The following ICE2 variants were observed in gnomAD, a reference collection of about 807,000 sequenced individuals.
ICE2 encodes interactor of little elongation complex ELL subunit 2, also known as little elongation complex subunit 2.
ICE2 carries 87 observed loss-of-function variants against 105.4 expected under a neutral mutation model. The observed-to-expected ratio is 0.83, with a 90% CI of 0.69 to 0.99. ICE2 has a LOEUF of 0.99. Ranked by LOEUF, ICE2 falls within the 50% of genes least tolerant of loss-of-function variation. The pLI is 0.00. For synonymous variants in ICE2, 399 were observed against 392.0 expected (o/e 1.02, Z -0.21); for missense variants, 1,323 against 1,146.7 (o/e 1.15, Z -2.22).
At chr15:60,445,867 CAGAG>C in intron 11 of ICE2, 1 of 668,544 alleles carries the variant, frequency 1.5e-6, no homozygotes, top group Non-Finnish European at 1.8e-6. Context: ...CAAAATAAAT[CAGAG>C]AGATAGCAAG....
At chr15:60,459,621 A>G (rs1037854476) in intron 5 of ICE2, among the ~76,000 whole-genome samples, 2 of 152,240 alleles carry the variant, frequency 1.3e-5, no homozygotes, top group Non-Finnish European at 2.9e-5. Context: ...TAAAACAAAT[A>G]TAGTCCATAT....
At chr15:60,473,662 T>C (rs968406084) in intron 3 of ICE2, among the ~76,000 whole-genome samples, 3 of 152,160 alleles carry the variant, frequency 2.0e-5, no homozygotes, top group African/African-American at 7.2e-5. Flanking sequence ...TTTATAGGCA[T>C]TTTTTGATCC....
chr15:60,453,437 G>C, intron 9 of ICE2, 166 bp downstream of exon 9: 1 of 1,396,390 alleles, frequency 7.2e-7, no homozygotes, highest in Non-Finnish European at 9.3e-7. Flanking sequence ...GGCTGAGGGA[G>C]GTTAAGTTAG....
intron 11 of ICE2, chr15:60,445,816 TG>T (rs555466524): frequency 9.8e-4 from 963 of 982,046 alleles, no homozygotes; most frequent in Non-Finnish European, 1.1e-3. Flanking sequence ...CAAAGTGGTA[TG>T]GGTTCACAGA....
chr15:60,423,784 A>G, intron 15 of ICE2, 22 bp from the exon 16 acceptor site: 4 of 1,554,462 alleles, frequency 2.6e-6, no homozygotes, highest in Admixed American at 2.1e-5. Context: ...AGCAGAGAAC[A>G]GAATAGCTTA....
At chr15:60,455,742 C>T (rs919770584) in intron 6 of ICE2, among the ~76,000 whole-genome samples, 1 of 151,888 alleles carries the variant, frequency 6.6e-6, no homozygotes, top group Non-Finnish European at 1.5e-5. Flanking sequence ...TTCAGCCTCA[C>T]GAATAGCTGG....
chr15:60,428,617 C>T lies in ICE2; in HGVS notation c.2632G>A (p.Asp878Asn). The change falls in exon 15 of 16, where the codon GAT becomes AAT. Residue 878 changes from aspartate (D) to asparagine (N), a missense_variant. Asp to Asn is a conservative substitution (Grantham distance 23). Coordinates refer to ENST00000261520, the MANE Select transcript of ICE2 (RefSeq NM_024611.6). ...TATGCTGTCCTAGTAACTTTTCCAT[C>T]AGAGGCCTTATAAATCAGGAGTGAA... ...DSSLLIYKAS[D>N]GKVTRTAYNL... 6.2e-7 allele frequency: 1 copy of T among 1,614,090 alleles called. No homozygotes were observed.
chr15:60,435,584 A>G (rs2063567516), intron 13 of ICE2, among the ~76,000 whole-genome samples: 1 of 133,302 alleles, frequency 7.5e-6, no homozygotes, highest in Non-Finnish European at 1.6e-5. Context: ...GGGCAAAAAG[A>G]GCAAAACTCT....
At chr15:60,427,268 C>T (rs931255636) in intron 15 of ICE2, among the ~76,000 whole-genome samples, 1 of 152,154 alleles carries the variant, frequency 6.6e-6, no homozygotes, top group Non-Finnish European at 1.5e-5. Context: ...AGGAAGAATA[C>T]ACAAGTGATA....
intron 11 of ICE2, among the ~76,000 whole-genome samples, chr15:60,445,120 T>A (rs1174831628): frequency 6.6e-6 from 1 of 152,180 alleles, no homozygotes; most frequent in Non-Finnish European, 1.5e-5. Flanking sequence ...ACTAAAATAA[T>A]TGAAGAACTG....
intron 11 of ICE2, among the ~76,000 whole-genome samples, chr15:60,444,662 C>A (rs1042283770): frequency 1.3e-5 from 2 of 152,014 alleles, no homozygotes; most frequent in Non-Finnish European, 2.9e-5. Flanking sequence ...TGTTTTATAT[C>A]TTGTGGTCCA....
intron 9 of ICE2, 21 bp downstream of exon 9, chr15:60,453,582 G>GA (rs752781349): frequency 7.0e-5 from 112 of 1,590,468 alleles, no homozygotes; most frequent in Admixed American, 1.2e-4. Flanking sequence ...CCCCTTAGGG[G>GA]AAAAAAAAAG....
rs775593353 is a variant in ICE2, at chr15:60,428,507, T to C, written c.2742A>G (p.Leu914=). 3.1e-6 allele frequency: 5 copies of C among 1,614,140 alleles called. No homozygotes were observed. The highest frequency in any genetic ancestry group is 2.5e-6 in the Non-Finnish European group (3 of 1,179,988). The change falls in exon 15 of 16, where the codon TTA becomes TTG. Residue 914 remains leucine (L), a synonymous_variant. Transcript: ENST00000261520. The stretch of plus-strand genomic sequence containing the variant: ...TTCCATGATGGATATGATATGGTAA[T>C]AACAGGCTGGGATCTAATGGGACCC... ...VPWVPLDPSL[L]LPYHIHHGRI...
chr15:60,453,927 G>A (rs2064031321), intron 8 of ICE2, 143 bp from the exon 9 acceptor site: 1 of 634,292 alleles, frequency 1.6e-6, no homozygotes, highest in East Asian at 2.8e-5. Flanking sequence ...GCTACCCTTA[G>A]ACTAGCAGAT....
chr15:60,442,561 A>G lies in ICE2; in HGVS notation c.2296-16T>C, dbSNP rs1486494887. Reference sequence around the variant, plus strand: ...CTGGAAATTGCTGCAATGCAAAATTATACTTTTTCAAAGCTCTATTAATTT... The same window carrying G: ...CTGGAAATTGCTGCAATGCAAAATTGTACTTTTTCAAAGCTCTATTAATTT... On this transcript the variant is annotated splice_polypyrimidine_tract_variant and intron_variant, in intron 11 of 15. Transcript: ENST00000261520. The G allele has an allele frequency of 6.4e-7, 1 of 1,555,868 alleles. No homozygotes were observed. Among genetic ancestry groups the G allele is most frequent in the Non-Finnish European group, 8.6e-7 (1 of 1,156,912 alleles).
chr15:60,449,702 G>T lies in ICE2; in HGVS notation c.1265C>A (p.Thr422Asn), dbSNP rs200818091. 6.0e-5 allele frequency: 97 copies of T among 1,614,028 alleles called. No individual in the cohort carries two copies. The highest frequency in any genetic ancestry group is 7.8e-5 in the Non-Finnish European group (92 of 1,180,042). The change falls in exon 10 of 16, where the codon ACT (threonine) becomes AAT (asparagine). Residue 422 changes from threonine to asparagine, a missense_variant. Transcript: ENST00000261520. The stretch of plus-strand genomic sequence containing the variant: ...ATCTGTCATGTTAGGTACTGTGGAA[G>T]TACTTGCTGGACTTGGTGATTTTGA... ...KVSKSPSPAS[T>N]STVPNMTDAP...
At chr15:60,423,868 C>G in intron 15 of ICE2, 106 bp from the exon 16 acceptor site, 1 of 1,031,512 alleles carries the variant, frequency 9.7e-7, no homozygotes, top group South Asian at 3.4e-5. Flanking sequence ...TGCAAATAAG[C>G]TCTTATATAT....
chr15:60,465,202 CT>C (rs2064388802), intron 5 of ICE2, among the ~76,000 whole-genome samples: 1 of 150,684 alleles, frequency 6.6e-6, no homozygotes, highest in Non-Finnish European at 1.5e-5. Context: ...TTTTTCCTTC[CT>C]TTTTCTGAGA....
At chr15:60,450,082 A>T (rs2063927585) in intron 9 of ICE2, among the ~76,000 whole-genome samples, 1 of 152,220 alleles carries the variant, frequency 6.6e-6, no homozygotes, top group Non-Finnish European at 1.5e-5. Context: ...TAGCACAAGA[A>T]ATGGAATATT....
Sources: allele counts gnomAD v4.1 joint callset (sites outside exome capture counted in the v4.1 genomes callset), GRCh38; gene constraint gnomAD v4.1.1; transcripts MANE v1.5; gene names NCBI Gene and HGNC (gene_info 2026-07-23, HGNC 2026-07-21).